The following ARID2 variants were observed in gnomAD, a reference collection of about 807,000 sequenced individuals.
The protein encoded by ARID2 is AT-rich interactive domain-containing protein 2.
In ARID2, 32 loss-of-function variants were observed where a neutral mutation model predicts 184.6. The observed-to-expected ratio is 0.17, with a 90% CI of 0.13 to 0.23. The LOEUF (loss-of-function observed/expected upper bound fraction) is 0.23, where lower values mean the gene tolerates loss of function less well. Among genes scored for constraint, ARID2 ranks in the 10% least tolerant of loss-of-function variants. ARID2 has a pLI of 1.00. For synonymous variants in ARID2, 836 were observed against 772.6 expected, an observed-to-expected ratio of 1.08 and a Z score of -1.36; for missense variants, 1,696 against 2,197.6, an observed-to-expected ratio of 0.77 and a Z score of 4.56.
intron 3 of ARID2, among the ~76,000 whole-genome samples, chr12:45,769,529 G>GAA (rs1941830113): frequency 6.6e-6 from 1 of 152,142 alleles, no homozygotes; most frequent in African/African-American, 2.4e-5. Flanking sequence ...ATAATCAACA[G>GAA]AACCTCATAG....
chr12:45,841,209 C>G (rs1314048978), intron 11 of ARID2: 1 of 152,166 alleles, frequency 6.6e-6, no homozygotes. Flanking sequence ...TTGATGAAGA[C>G]TATTTTTTGC....
chr12:45,742,392 T>TAATA (rs1459818546), intron 3 of ARID2, among the ~76,000 whole-genome samples: 2 of 152,220 alleles, frequency 1.3e-5, no homozygotes, highest in Non-Finnish European at 2.9e-5. Flanking sequence ...CTATGCCTTA[T>TAATA]AGCCTAGGTA....
At chr12:45,823,654 GC>G (rs1228588763) in intron 6 of ARID2, among the ~76,000 whole-genome samples, 2 of 151,870 alleles carry the variant, frequency 1.3e-5, no homozygotes, top group East Asian at 3.9e-4. Context: ...TAGAGACTAT[GC>G]TGAAATATTA....
At chr12:45,745,796 G>A (rs1941343833) in intron 3 of ARID2, among the ~76,000 whole-genome samples, 1 of 152,078 alleles carries the variant, frequency 6.6e-6, no homozygotes, top group Non-Finnish European at 1.5e-5. Context: ...TGATCTGCCC[G>A]CCTTGGCCTC....
At chr12:45,803,693 G>T (rs530715545) in intron 3 of ARID2, among the ~76,000 whole-genome samples, 70 of 152,174 alleles carry the variant, frequency 4.6e-4, no homozygotes, top group African/African-American at 1.7e-3. Flanking sequence ...GCATAGTATG[G>T]TTGACAATAG....
intron 3 of ARID2, among the ~76,000 whole-genome samples, chr12:45,747,847 C>T (rs1206542071): frequency 6.6e-6 from 1 of 152,060 alleles, no homozygotes; most frequent in Admixed American, 6.5e-5. Context: ...CCCTATCTGT[C>T]TTCACAAGCT....
At chr12:45,863,649 A>T (rs1943786432) in intron 16 of ARID2, among the ~76,000 whole-genome samples, 1 of 151,802 alleles carries the variant, frequency 6.6e-6, no homozygotes, top group African/African-American at 2.4e-5. Flanking sequence ...AGCTAAAATT[A>T]TTTTCTTTAC....
At chr12:45,796,027 TACTAAGAAAATAGAA>T (rs1409595672) in intron 3 of ARID2, among the ~76,000 whole-genome samples, 1 of 152,142 alleles carries the variant, frequency 6.6e-6, no homozygotes, top group Non-Finnish European at 1.5e-5. Context: ...CTTTCTAATG[TACTAAGAAAATAGAA>T]ACTGACATTT....
chr12:45,737,912 A>G (rs552050441), intron 3 of ARID2, among the ~76,000 whole-genome samples: 3 of 152,266 alleles, frequency 2.0e-5, no homozygotes, highest in Admixed American at 6.5e-5. Context: ...TCTGGACTCT[A>G]GAGAAGGTAA....
intron 3 of ARID2, among the ~76,000 whole-genome samples, chr12:45,777,055 G>T (rs1255962091): frequency 6.6e-6 from 1 of 151,452 alleles, no homozygotes; most frequent in Non-Finnish European, 1.5e-5. Flanking sequence ...GCTTCCCAAA[G>T]TGCTGGGATT....
chr12:45,858,512 A>G (rs1475724404), intron 15 of ARID2, among the ~76,000 whole-genome samples: 4 of 152,172 alleles, frequency 2.6e-5, no homozygotes, highest in East Asian at 1.9e-4. Flanking sequence ...ATTAACTTCT[A>G]TTGATAGACA....
chr12:45,862,314 C>A (rs1287920921), intron 16 of ARID2, among the ~76,000 whole-genome samples: 2 of 152,114 alleles, frequency 1.3e-5, no homozygotes, highest in Non-Finnish European at 2.9e-5. Context: ...CAAAAAAATT[C>A]TTTAAAAATC....
rs369756763 is a variant in ARID2 at position 45,839,493 on chromosome 12, C to T, written c.1495C>T (p.Pro499Ser). 3.7e-6 allele frequency: 6 copies of T among 1,609,180 alleles called. No individual in the cohort carries two copies. The highest frequency in any genetic ancestry group is 2.2e-5 in the East Asian group (1 of 44,842). ...VQTQTHVASA[P>S]ASRAVVAQHV... ...AACCCAGACTCATGTAGCATCTGCCCCAGGTTAGTGTTTTCACATATTCTT... is the reference window on the plus strand; with the variant it reads ...AACCCAGACTCATGTAGCATCTGCCTCAGGTTAGTGTTTTCACATATTCTT... Residue 499 changes from proline (P) to serine (S), a missense_variant, in exon 11 of 21, where the codon CCA (proline) becomes TCA (serine). Pro to Ser is a moderately conservative substitution (Grantham distance 74). Around this residue, in one of 11 missense-constraint regions of ARID2, gnomAD observed 713 missense variants for 824.4 expected, o/e 0.86. Coordinates refer to ENST00000334344, the MANE Select transcript of ARID2 (RefSeq NM_152641.4).
rs528983775 is a variant in ARID2 at position 45,749,424 on chromosome 12, A to T, written c.284+18110A>T. The stretch of plus-strand genomic sequence containing the variant: ...TTCATTTATAGAGTACAGACAGAGT[A>T]GATTTAGCATAATTCTTAAGGACCC... On this transcript the variant is annotated intron_variant, in intron 3 of 20. Transcript: ENST00000334344. Among the ~76,000 whole-genome samples, 84 of 152,324 alleles carry T rather than the reference A, an allele frequency of 5.5e-4. 3 individuals carry two copies. The South Asian group carries it at 0.016, about 30-fold the overall frequency.
In ARID2 at chr12:45,750,534, A is replaced by G. The variant is rs141308675; in HGVS notation, c.284+19220A>G. 5.5e-3 allele frequency among the ~76,000 whole-genome samples: 835 copies of G among 152,340 alleles called. 7 individuals are homozygous for G. The highest frequency in any genetic ancestry group is 0.019 in the African/African-American group (794 of 41,572). ...CCTTCAATTGGTTTTAAAAAAGATA[A>G]TATCTGGAAAGCACAATAAAATGAG... On this transcript the variant is annotated intron_variant, in intron 3 of 20. Transcript: ENST00000334344.
At chr12:45,811,095 G>A (rs1942697540) in intron 3 of ARID2, among the ~76,000 whole-genome samples, 1 of 151,958 alleles carries the variant, frequency 6.6e-6, no homozygotes, top group African/African-American at 2.4e-5. Context: ...TGTAGTCCCA[G>A]CTACCTGGGA....
chr12:45,894,572 A>T (rs1013100600), intron 20 of ARID2, among the ~76,000 whole-genome samples: 1 of 152,238 alleles, frequency 6.6e-6, no homozygotes, highest in African/African-American at 2.4e-5. Context: ...TATAAAAAGA[A>T]AATGAATTTG....
At chr12:45,833,008 A>G (rs1592105529) in intron 6 of ARID2, among the ~76,000 whole-genome samples, 1 of 152,186 alleles carries the variant, frequency 6.6e-6, no homozygotes, top group South Asian at 2.1e-4. Flanking sequence ...ATATTAGATC[A>G]TGGGGGTGTT....
rs1944530262 is a variant in ARID2, at chr12:45,906,316, A to G, written c.*1238A>G. On this transcript the variant is annotated 3_prime_UTR_variant, in exon 21 of 21. Transcript: ENST00000334344. ...CCACATTCCTGCTCAGAAACTGCTCACTTCCTTAAATTGTCTTTTTTCCCC... is the reference window on the plus strand; with the variant it reads ...CCACATTCCTGCTCAGAAACTGCTCGCTTCCTTAAATTGTCTTTTTTCCCC... 4.3e-6 allele frequency: 1 copy of G among 233,124 alleles called. No homozygotes were observed. The highest frequency in any genetic ancestry group is 8.5e-6 in the Non-Finnish European group (1 of 117,854). The allele number at this position is 233,124 out of a possible 1,614,324, so 14.4% of individuals were successfully genotyped here.
Sources: allele counts gnomAD v4.1 joint callset (sites outside exome capture counted in the v4.1 genomes callset), GRCh38; gene constraint gnomAD v4.1.1; regional missense constraint gnomAD v4.1.1; transcripts MANE v1.5; gene names NCBI Gene and HGNC (gene_info 2026-07-23, HGNC 2026-07-21).